HDAC9: variants seen among roughly 807,000 people sequenced by gnomAD.
HDAC9 encodes the protein MEF-2 interacting transcription repressor (MITR) protein.
A neutral mutation model predicts 139.4 loss-of-function variants in HDAC9; 41 were observed. The ratio of observed to expected loss-of-function variants is 0.29; its 90% CI spans 0.23 to 0.38. HDAC9 has a LOEUF of 0.38. Ranked by LOEUF, HDAC9 falls within the 10% of genes least tolerant of loss-of-function variation. The pLI, the probability that HDAC9 is intolerant of heterozygous loss-of-function variation, is 1.00. For synonymous variants in HDAC9, 517 were observed against 476.2 expected (o/e 1.09, Z -1.12); for missense variants, 1,147 against 1,297.0 (o/e 0.88, Z 1.78).
chr7:18,662,711 C>T (rs1793600080), intron 11 of HDAC9, among the ~76,000 whole-genome samples: 1 of 151,852 alleles, frequency 6.6e-6, no homozygotes, highest in Admixed American at 6.6e-5. Flanking sequence ...AAGGTATCAG[C>T]AGGGAGTGAG....
chr7:18,459,179 T>C (rs1183235698), intron 1 of HDAC9, among the ~76,000 whole-genome samples: 1 of 152,160 alleles, frequency 6.6e-6, no homozygotes, highest in African/African-American at 2.4e-5. Context: ...ACTCGTGTTA[T>C]AATTTTTTAT....
At chr7:18,510,537 TTAATAA>T (rs945097620) in intron 2 of HDAC9, among the ~76,000 whole-genome samples, 5 of 152,152 alleles carry the variant, frequency 3.3e-5, no homozygotes, top group Admixed American at 1.3e-4. Context: ...GATTTTTCTG[TTAATAA>T]TAATATCAAT....
At chr7:18,183,504 G>T (rs1460504209) in intron 2 of HDAC9, among the ~76,000 whole-genome samples, 1 of 152,004 alleles carries the variant, frequency 6.6e-6, no homozygotes, top group Non-Finnish European at 1.5e-5. Context: ...TCAAATCCTT[G>T]GGGATCTTCC....
intron 2 of HDAC9, among the ~76,000 whole-genome samples, chr7:18,163,697 A>T (rs1266783102): frequency 6.6e-6 from 1 of 152,154 alleles, no homozygotes; most frequent in East Asian, 1.9e-4. Context: ...TAGTACTATT[A>T]TTCTTTCTGT....
chr7:18,822,221 C>T (rs1245250019), intron 17 of HDAC9, among the ~76,000 whole-genome samples: 1 of 152,170 alleles, frequency 6.6e-6, no homozygotes, highest in African/African-American at 2.4e-5. Flanking sequence ...TTGTTGGTTC[C>T]TCTGGAAAGG....
At chr7:18,191,621 C>T (rs1790356066) in intron 2 of HDAC9, among the ~76,000 whole-genome samples, 1 of 152,088 alleles carries the variant, frequency 6.6e-6, no homozygotes, top group South Asian at 2.1e-4. Context: ...ATTAGTAGTT[C>T]AGAAATTAAA....
At chr7:18,328,151 T>A (rs988776689) in intron 1 of HDAC9, among the ~76,000 whole-genome samples, 2 of 151,996 alleles carry the variant, frequency 1.3e-5, no homozygotes, top group East Asian at 3.9e-4. Flanking sequence ...CTCTTTGAAC[T>A]TTAGTTCCTA....
At chr7:18,990,969 G>A (rs374357932) in intron 25 of HDAC9, among the ~76,000 whole-genome samples, 23 of 152,324 alleles carry the variant, frequency 1.5e-4, no homozygotes, top group East Asian at 3.9e-4. Flanking sequence ...AGATGAACCC[G>A]GTACCTCAGA....
chr7:18,702,093 G>GA (rs1181800421), intron 12 of HDAC9, among the ~76,000 whole-genome samples: 2 of 149,926 alleles, frequency 1.3e-5, no homozygotes, highest in Non-Finnish European at 3.0e-5. Context: ...TGGAAGCAAA[G>GA]AAGCAGGCTG....
chr7:18,754,704 T>C (rs1788730210), intron 14 of HDAC9, among the ~76,000 whole-genome samples: 1 of 152,140 alleles, frequency 6.6e-6, no homozygotes, highest in Non-Finnish European at 1.5e-5. Context: ...AAAACCAAGC[T>C]ACTGTTGTCC....
chr7:18,391,933 C>T (rs1183761730), intron 1 of HDAC9, among the ~76,000 whole-genome samples: 1 of 152,198 alleles, frequency 6.6e-6, no homozygotes, highest in Non-Finnish European at 1.5e-5. Flanking sequence ...TCAATAGGCA[C>T]TTTGCCTATC....
chr7:18,430,327 G>A (rs1449013681), intron 1 of HDAC9, among the ~76,000 whole-genome samples: 1 of 152,136 alleles, frequency 6.6e-6, no homozygotes, highest in East Asian at 1.9e-4. Flanking sequence ...GGGCCGAAGT[G>A]ATCCTCCCAC....
chr7:18,194,448 C>G (rs1790591380), intron 2 of HDAC9, among the ~76,000 whole-genome samples: 1 of 152,098 alleles, frequency 6.6e-6, no homozygotes, highest in Admixed American at 6.6e-5. Context: ...GCATTAAGTA[C>G]ATTCACACCA....
chr7:18,560,884 A>G (rs928679803), intron 2 of HDAC9, among the ~76,000 whole-genome samples: 3 of 152,126 alleles, frequency 2.0e-5, no homozygotes, highest in Non-Finnish European at 2.9e-5. Context: ...AAGGCCATGA[A>G]GGTCAGATAA....
At chr7:18,778,043 A>G (rs1790927928) in intron 16 of HDAC9, among the ~76,000 whole-genome samples, 1 of 151,982 alleles carries the variant, frequency 6.6e-6, no homozygotes, top group South Asian at 2.1e-4. Flanking sequence ...TATCTTGTTC[A>G]GGTCATAGAA....
At chr7:18,585,752 G>A (rs764903240) in intron 3 of HDAC9, among the ~76,000 whole-genome samples, 2 of 152,054 alleles carry the variant, frequency 1.3e-5, no homozygotes, top group Non-Finnish European at 2.9e-5. Flanking sequence ...AGAATCAATA[G>A]CAGGGAATAG....
chr7:18,831,431 C>T (rs1301046679), intron 19 of HDAC9, among the ~76,000 whole-genome samples: 1 of 152,170 alleles, frequency 6.6e-6, no homozygotes, highest in Non-Finnish European at 1.5e-5. Context: ...TACTTGGTAG[C>T]TCCAAGGAGT....
At position 18,999,639 on chromosome 7, in the gene HDAC9, A is replaced by C. The variant is rs1414626005; in HGVS notation, c.*3577A>C. On this transcript the variant is annotated 3_prime_UTR_variant, in exon 26 of 26. Transcript: ENST00000686413. The stretch of plus-strand genomic sequence containing the variant: ...TTTTTAGTAGAGACGGGGTTTCTCC[A>C]TGTTGGTCAGGCTGGTCTCAAACTC... 1 of 151,992 alleles carries C rather than the reference A, an allele frequency of 6.6e-6. No homozygotes were observed. The highest frequency in any genetic ancestry group is 1.5e-5 in the Non-Finnish European group (1 of 68,020). 9.4% of individuals were successfully genotyped at this position (151,992 alleles called of 1,614,324 possible). A position where few individuals can be genotyped will look rare whatever the true frequency, so the allele number is the denominator to read the frequency against.
At chr7:18,244,088 A>G (rs1794364134) in intron 2 of HDAC9, among the ~76,000 whole-genome samples, 1 of 152,152 alleles carries the variant, frequency 6.6e-6, no homozygotes, top group African/African-American at 2.4e-5. Flanking sequence ...TTTTGAGGCA[A>G]GAGCTCAAAA....
Sources: allele counts gnomAD v4.1 joint callset (sites outside exome capture counted in the v4.1 genomes callset), GRCh38; gene constraint gnomAD v4.1.1; transcripts MANE v1.5; gene names NCBI Gene and HGNC (gene_info 2026-07-23, HGNC 2026-07-21).